The following CDK14 variants were observed in gnomAD, a reference collection of about 807,000 sequenced individuals.
CDK14 encodes the protein cyclin-dependent kinase 14.
In CDK14, 34 loss-of-function variants were observed where a neutral mutation model predicts 60.7. The observed-to-expected ratio is 0.56, with a 90% CI of 0.43 to 0.75. The LOEUF (loss-of-function observed/expected upper bound fraction) is 0.75. CDK14 is among the 30% of genes least tolerant of loss of function. The pLI is 0.00. For synonymous variants in CDK14, 197 were observed against 203.7 expected (o/e 0.97, Z 0.28); for missense variants, 482 against 564.1 (o/e 0.85, Z 1.47).
chr7:91,032,796 G>A (rs761592965), intron 10 of CDK14, among the ~76,000 whole-genome samples: 5 of 152,200 alleles, frequency 3.3e-5, no homozygotes, highest in Non-Finnish European at 7.3e-5. Context: ...CCAAGTTTGT[G>A]TTGTTACAGC....
chr7:91,044,530 C>T (rs1190741042), intron 10 of CDK14, among the ~76,000 whole-genome samples: 1 of 152,132 alleles, frequency 6.6e-6, no homozygotes, highest in Non-Finnish European at 1.5e-5. Context: ...GCCTAAATTC[C>T]AGAAAGGAGG....
intron 4 of CDK14, among the ~76,000 whole-genome samples, chr7:90,757,245 TGTGTGTC>T (rs1804110429): frequency 7.2e-6 from 1 of 138,212 alleles, no homozygotes; most frequent in African/African-American, 2.7e-5. Flanking sequence ...TGTGTGTGTG[TGTGTGTC>T]TGTGTGTGTC....
At chr7:90,709,545 C>G (rs1018450247) in intron 2 of CDK14, 1 of 1,613,178 alleles carries the variant, frequency 6.2e-7, no homozygotes, top group African/African-American at 1.3e-5. Flanking sequence ...ACAGCATATG[C>G]ACGGTTACTT....
intron 2 of CDK14, among the ~76,000 whole-genome samples, chr7:90,698,363 T>A (rs1271206706): frequency 6.6e-6 from 1 of 152,180 alleles, no homozygotes; most frequent in Non-Finnish European, 1.5e-5. Context: ...TGACACTTTA[T>A]GCTACTCCAC....
intron 14 of CDK14, among the ~76,000 whole-genome samples, chr7:91,154,666 T>C (rs1334962816): frequency 6.6e-6 from 1 of 152,202 alleles, no homozygotes; most frequent in East Asian, 1.9e-4. Flanking sequence ...TTAATCTTTG[T>C]GCCTTGGTTT....
chr7:90,935,323 C>A (rs1288042788), intron 8 of CDK14, among the ~76,000 whole-genome samples: 2 of 152,178 alleles, frequency 1.3e-5, no homozygotes, highest in Non-Finnish European at 2.9e-5. Context: ...GATAAACATT[C>A]AGACCATAGC....
chr7:91,052,567 T>C (rs1797422488), intron 11 of CDK14, among the ~76,000 whole-genome samples: 1 of 150,944 alleles, frequency 6.6e-6, no homozygotes, highest in Non-Finnish European at 1.5e-5. Flanking sequence ...CTTTCATCTC[T>C]CAAATGCTTC....
chr7:90,688,031 T>A (rs1055060501), intron 2 of CDK14, among the ~76,000 whole-genome samples: 1 of 152,158 alleles, frequency 6.6e-6, no homozygotes, highest in African/African-American at 2.4e-5. Context: ...TTATGATTTC[T>A]TTTTTCCTCA....
Position 91,094,805 on chromosome 7 carries a change from G to A in CDK14, c.1154+15325G>A, listed in dbSNP as rs556252864. Among the ~76,000 whole-genome samples, 3 of 152,242 alleles carry A rather than the reference G, an allele frequency of 2.0e-5. No individual in the cohort carries two copies. The South Asian group carries it at 6.2e-4, about 32-fold the overall frequency. On this transcript the variant is annotated intron_variant, in intron 12 of 14. Transcript: ENST00000380050. ...TTCAAAAACTCGAAAGATAGCTTCA[G>A]TACCTTGTATGCTCTCCATCAGACT...
chr7:91,070,141 C>T (rs533607203), intron 11 of CDK14, among the ~76,000 whole-genome samples: 46 of 152,244 alleles, frequency 3.0e-4, no homozygotes, highest in Admixed American at 5.2e-4. Flanking sequence ...CTGGTCTGTC[C>T]TTATAAGAAG....
chr7:90,873,832 T>C (rs897074258), intron 6 of CDK14, among the ~76,000 whole-genome samples: 2 of 152,174 alleles, frequency 1.3e-5, no homozygotes, highest in Non-Finnish European at 2.9e-5. Context: ...TGGTTTTTTT[T>C]CTCATTCCTC....
chr7:90,884,293 G>C (rs1471684963), intron 6 of CDK14, among the ~76,000 whole-genome samples: 1 of 151,970 alleles, frequency 6.6e-6, no homozygotes, highest in African/African-American at 2.4e-5. Context: ...GGTAACAGTA[G>C]GCAAGCAGAC....
At chr7:91,020,383 C>T (rs767182626) in intron 10 of CDK14, among the ~76,000 whole-genome samples, 5 of 152,166 alleles carry the variant, frequency 3.3e-5, no homozygotes, top group Non-Finnish European at 7.4e-5. Flanking sequence ...ACCACCTACT[C>T]AATGCCAGGC....
intron 10 of CDK14, among the ~76,000 whole-genome samples, chr7:91,008,291 C>T (rs1012149774): frequency 3.8e-4 from 57 of 151,934 alleles, no homozygotes; most frequent in African/African-American, 1.3e-3. Flanking sequence ...GTGTGGCTGG[C>T]GGGATAACCA....
At chr7:90,857,656 T>C (rs973957416) in intron 5 of CDK14, among the ~76,000 whole-genome samples, 8 of 152,326 alleles carry the variant, frequency 5.3e-5, no homozygotes, top group Admixed American at 3.3e-4. Flanking sequence ...ATGTCTTGTG[T>C]TTATGATATT....
At chr7:90,736,846 C>A (rs544295928) in intron 3 of CDK14, among the ~76,000 whole-genome samples, 1 of 152,130 alleles carries the variant, frequency 6.6e-6, no homozygotes, top group East Asian at 1.9e-4. Context: ...CACATACAGG[C>A]CATTATATAT....
chr7:90,870,803 A>G (rs1314704918), intron 6 of CDK14, among the ~76,000 whole-genome samples: 1 of 152,224 alleles, frequency 6.6e-6, no homozygotes. Context: ...CTACAGAAAT[A>G]TAAGCTTCAT....
At chr7:90,731,910 C>G (rs1584832368) in intron 3 of CDK14, among the ~76,000 whole-genome samples, 1 of 152,220 alleles carries the variant, frequency 6.6e-6, no homozygotes, top group East Asian at 1.9e-4. Context: ...GCATCCTTGT[C>G]TTGTGCCGGT....
At chr7:91,139,031 G>A (rs1339538309) in intron 14 of CDK14, among the ~76,000 whole-genome samples, 2 of 152,124 alleles carry the variant, frequency 1.3e-5, no homozygotes, top group African/African-American at 4.8e-5. Context: ...AACTCCTTGC[G>A]AAGAGAATCT....
Sources: allele counts gnomAD v4.1 joint callset (sites outside exome capture counted in the v4.1 genomes callset), GRCh38; gene constraint gnomAD v4.1.1; transcripts MANE v1.5; gene names NCBI Gene and HGNC (gene_info 2026-07-23, HGNC 2026-07-21).